The following CEP128 variants were observed in gnomAD, a reference collection of about 807,000 sequenced individuals.
CEP128 encodes the protein centrosomal protein 128, also known as centrosomal protein 128kDa.
In CEP128, 132 loss-of-function variants were observed where a neutral mutation model predicts 156.7. The observed-to-expected ratio is 0.84, with a 90% confidence interval of 0.73 to 0.97. CEP128 has a LOEUF of 0.97. CEP128 is among the 50% of genes least tolerant of loss of function. CEP128 has a pLI of 0.00. For synonymous variants in CEP128, 469 were observed against 448.9 expected (o/e 1.04, Z -0.57); for missense variants, 1,252 against 1,281.9 (o/e 0.98, Z 0.36).
intron 15 of CEP128, among the ~76,000 whole-genome samples, chr14:80,784,237 T>G (rs1901274811): frequency 1.3e-5 from 2 of 148,152 alleles, no homozygotes; most frequent in African/African-American, 2.5e-5. Context: ...AAGGGGATAT[T>G]AAAAAATAAA....
At chr14:80,935,645 C>T (rs1436071272) in intron 2 of CEP128, among the ~76,000 whole-genome samples, 1 of 5,742 alleles carries the variant, frequency 1.7e-4, no homozygotes, top group African/African-American at 1.7e-3. Context: ...AGTCCCCCCA[C>T]CAAAAAAAAA....
chr14:80,791,236 A>G (rs1431251602), intron 14 of CEP128, among the ~76,000 whole-genome samples: 1 of 152,214 alleles, frequency 6.6e-6, no homozygotes, highest in Non-Finnish European at 1.5e-5. Context: ...TTAATTTTTA[A>G]GGCTTTTAAA....
At chr14:80,615,089 G>A (rs936518587) in intron 19 of CEP128, among the ~76,000 whole-genome samples, 1 of 152,104 alleles carries the variant, frequency 6.6e-6, no homozygotes, top group African/African-American at 2.4e-5. Context: ...ATTGGGTTTG[G>A]AGTATGTTAA....
intron 16 of CEP128, among the ~76,000 whole-genome samples, chr14:80,772,991 C>G (rs1566905854): frequency 6.6e-6 from 1 of 152,166 alleles, no homozygotes; most frequent in Non-Finnish European, 1.5e-5. Context: ...AAGACAGCAT[C>G]TTTTGTAACA....
intron 19 of CEP128, among the ~76,000 whole-genome samples, chr14:80,675,405 G>A (rs1052404150): frequency 2.6e-5 from 4 of 151,944 alleles, no homozygotes; most frequent in Admixed American, 6.5e-5. Flanking sequence ...TTTACGCTAC[G>A]CCAATTCATG....
chr14:80,731,942 G>A (rs1054113089), intron 19 of CEP128, among the ~76,000 whole-genome samples: 2 of 152,068 alleles, frequency 1.3e-5, no homozygotes, highest in Admixed American at 1.3e-4. Flanking sequence ...TTGATTGAAA[G>A]AACAGACCTA....
chr14:80,485,179 T>C (rs1887135306), intron 14 of CEP128, among the ~76,000 whole-genome samples: 2 of 152,086 alleles, frequency 1.3e-5, no homozygotes, highest in South Asian at 4.1e-4. Flanking sequence ...ACCCAACAAA[T>C]GATACATTTT....
upstream of CEP128, chr14:80,941,784 T>C (rs1336684950): frequency 1.3e-5 from 2 of 152,724 alleles, no homozygotes; most frequent in African/African-American, 4.8e-5. Context: ...TGCCGCCGCT[T>C]GGCCCTCTGG....
At chr14:80,589,396 C>T (rs1366329784) in intron 19 of CEP128, among the ~76,000 whole-genome samples, 4 of 152,184 alleles carry the variant, frequency 2.6e-5, no homozygotes, top group Non-Finnish European at 4.4e-5. Flanking sequence ...AACATCTACC[C>T]TCAATTCTGG....
intron 23 of CEP128, among the ~76,000 whole-genome samples, chr14:80,511,076 T>A (rs1462441662): frequency 1.3e-5 from 2 of 151,558 alleles, no homozygotes; most frequent in African/African-American, 4.8e-5. Context: ...TTTTTTTTTT[T>A]TATATGTCTT....
intron 20 of CEP128, among the ~76,000 whole-genome samples, chr14:80,562,918 C>A (rs532627774): frequency 6.6e-6 from 1 of 151,998 alleles, no homozygotes; most frequent in East Asian, 1.9e-4. Context: ...CCTGCCTCGG[C>A]CTCCCCAAAT....
chr14:80,782,403 C>A (rs1360585727), intron 15 of CEP128, among the ~76,000 whole-genome samples: 1 of 152,198 alleles, frequency 6.6e-6, no homozygotes, highest in Non-Finnish European at 1.5e-5. Flanking sequence ...CTTCAGCTTT[C>A]TCATTCCTTT....
intron 19 of CEP128, among the ~76,000 whole-genome samples, chr14:80,722,607 A>G (rs531060948): frequency 1.5e-3 from 224 of 151,842 alleles, no homozygotes; most frequent in African/African-American, 5.1e-3. Flanking sequence ...AAAAATGTTT[A>G]TTGAAGCATT....
chr14:80,545,918 G>A (rs975119765), intron 21 of CEP128, among the ~76,000 whole-genome samples: 1 of 152,174 alleles, frequency 6.6e-6, no homozygotes, highest in East Asian at 1.9e-4. Context: ...GTCCTACCCC[G>A]GGTCAACTGA....
At chr14:80,480,389 C>G (rs149961374) in intron 14 of CEP128, among the ~76,000 whole-genome samples, 365 of 152,298 alleles carry the variant, frequency 2.4e-3, no homozygotes, top group African/African-American at 8.3e-3. Flanking sequence ...CACGTGGAAG[C>G]TGCCAAGGCT....
chr14:80,496,555 G>A lies in CEP128; in HGVS notation c.*924C>T, dbSNP rs1201727226. On this transcript the variant is annotated 3_prime_UTR_variant, in exon 25 of 25. Coordinates refer to ENST00000555265, the MANE Select transcript of CEP128 (RefSeq NM_152446.5). ...ACCCAATAGGATTCAGTTCCTGAAA[G>A]TTTACTATTACTTAGCATTTAATAT... The A allele has an allele frequency of 6.6e-6, 1 of 152,664 alleles. No individual in the cohort carries two copies. The highest frequency in any genetic ancestry group is 2.4e-5 in the African/African-American group (1 of 41,448). The allele number at this position is 152,664 out of a possible 1,614,324, so 9.5% of individuals were successfully genotyped here. A position where few individuals can be genotyped will look rare whatever the true frequency, so the allele number is the denominator to read the frequency against.
intron 12 of CEP128, among the ~76,000 whole-genome samples, chr14:80,835,223 CATGCTTCTGGTACAGCCTACAGAACTGCG>C (rs1283165305): frequency 6.6e-6 from 1 of 152,168 alleles, no homozygotes; most frequent in Non-Finnish European, 1.5e-5. Flanking sequence ...ATGCTAGAGC[CATGCTTCTGGTACAGCCTACAGAACTGCG>C]ATCTAAATAA....
At chr14:80,846,571 A>G (rs1271691358) in intron 9 of CEP128, among the ~76,000 whole-genome samples, 1 of 152,198 alleles carries the variant, frequency 6.6e-6, no homozygotes, top group South Asian at 2.1e-4. Flanking sequence ...TTACAAAAAT[A>G]CTTAAATAAG....
chr14:80,910,531 T>G (rs1351616968), intron 4 of CEP128, among the ~76,000 whole-genome samples: 1 of 152,188 alleles, frequency 6.6e-6, no homozygotes, highest in East Asian at 1.9e-4. Flanking sequence ...TGCTTCCCCT[T>G]TGCCTTCCAC....
Sources: gnomAD v4.1 joint callset for allele counts (sites outside exome capture counted in the v4.1 genomes callset) on GRCh38, gnomAD v4.1.1 for gene constraint, MANE v1.5 for transcripts, NCBI Gene and HGNC (gene_info 2026-07-23, HGNC 2026-07-21) for gene names.